Variants in EYS observed in about 807,000 individuals in gnomAD.
The protein encoded by EYS is EGF-like photoreceptor maintenance factor.
A neutral mutation model predicts 282.1 loss-of-function variants in EYS; 250 were observed. The ratio of observed to expected loss-of-function variants is 0.89; its 90% CI spans 0.80 to 0.98. The LOEUF is 0.98. Among genes scored for constraint, EYS ranks in the 50% least tolerant of loss-of-function variants. EYS has a pLI of 0.00. For synonymous variants in EYS, 1,355 were observed against 1,282.9 expected (o/e 1.06, Z -1.20); for missense variants, 4,016 against 3,709.0 (o/e 1.08, Z -2.15).
chr6:65,094,097 T>G (rs980855455), intron 12 of EYS, among the ~76,000 whole-genome samples: 1 of 151,714 alleles, frequency 6.6e-6, no homozygotes, highest in East Asian at 1.9e-4. Context: ...TTGAACATAA[T>G]AAGTAATAAC....
At chr6:65,469,058 TAC>T (rs1228320373) in intron 5 of EYS, among the ~76,000 whole-genome samples, 3 of 152,124 alleles carry the variant, frequency 2.0e-5, no homozygotes, top group African/African-American at 7.2e-5. Flanking sequence ...ATATATATCG[TAC>T]ACTCTTAAAT....
chr6:63,732,964 G>A (rs1768817828), intron 41 of EYS, among the ~76,000 whole-genome samples: 1 of 152,262 alleles, frequency 6.6e-6, no homozygotes, highest in East Asian at 1.9e-4. Context: ...AGAAAGGCAT[G>A]TATGCATGTG....
chr6:63,729,511 G>C (rs550222913), intron 41 of EYS, among the ~76,000 whole-genome samples: 1 of 149,802 alleles, frequency 6.7e-6, no homozygotes, highest in East Asian at 1.9e-4. Context: ...TGTCATGTCT[G>C]TGTCTAGATT....
chr6:64,338,128 A>G (rs1031201920), intron 29 of EYS, among the ~76,000 whole-genome samples: 2 of 152,038 alleles, frequency 1.3e-5, no homozygotes, highest in African/African-American at 4.8e-5. Context: ...AGTTTTAGGC[A>G]GAGCAGTCAG....
intron 26 of EYS, among the ~76,000 whole-genome samples, chr6:64,509,190 A>C (rs187924587): frequency 6.6e-6 from 1 of 152,288 alleles, no homozygotes; most frequent in Admixed American, 6.5e-5. Flanking sequence ...AAGGCATTAT[A>C]GTTATTCCTT....
At chr6:64,225,123 G>A (rs1766218063) in intron 31 of EYS, among the ~76,000 whole-genome samples, 1 of 152,030 alleles carries the variant, frequency 6.6e-6, no homozygotes, top group Admixed American at 6.6e-5. Context: ...TATAGCTCTT[G>A]TTCCCTGGCT....
intron 35 of EYS, among the ~76,000 whole-genome samples, chr6:63,953,761 C>T (rs117000149): frequency 1.3e-5 from 2 of 152,240 alleles, no homozygotes; most frequent in East Asian, 1.9e-4. Flanking sequence ...TAACTCATCT[C>T]AACTCTTTTC....
chr6:64,342,112 T>C (rs965021718), intron 29 of EYS, among the ~76,000 whole-genome samples: 8 of 151,638 alleles, frequency 5.3e-5, no homozygotes, highest in Admixed American at 2.6e-4. Context: ...ATAGTATAAT[T>C]ATAGCATAGT....
At chr6:64,096,370 T>C (rs1443800440) in intron 31 of EYS, among the ~76,000 whole-genome samples, 3 of 152,228 alleles carry the variant, frequency 2.0e-5, no homozygotes, top group African/African-American at 7.2e-5. Context: ...CCATTCTCCC[T>C]ATCACTTTCA....
At chr6:65,405,115 G>T (rs1297349358) in intron 6 of EYS, 59 bp downstream of exon 6, 3 of 1,143,222 alleles carry the variant, frequency 2.6e-6, no homozygotes, top group Non-Finnish European at 3.9e-6. Context: ...TTTTCAAATT[G>T]CTTGGTAATA....
intron 26 of EYS, among the ~76,000 whole-genome samples, chr6:64,511,812 A>T (rs1777411494): frequency 7.4e-6 from 1 of 135,966 alleles, no homozygotes; most frequent in African/African-American, 2.6e-5. Flanking sequence ...ATTAGATACT[A>T]AATTTTGGGG....
intron 15 of EYS, among the ~76,000 whole-genome samples, chr6:64,933,628 A>G (rs1768803915): frequency 6.6e-6 from 1 of 152,134 alleles, no homozygotes; most frequent in South Asian, 2.1e-4. Context: ...CAATCCCATT[A>G]CTGGGTATAT....
chr6:65,294,295 A>G (rs1768604626), intron 12 of EYS, among the ~76,000 whole-genome samples: 1 of 151,950 alleles, frequency 6.6e-6, no homozygotes, highest in Admixed American at 6.6e-5. Context: ...TGAAGAGTTT[A>G]GAAGTAGGAC....
chr6:64,888,842 A>G (rs1767182087), intron 18 of EYS, among the ~76,000 whole-genome samples: 1 of 152,056 alleles, frequency 6.6e-6, no homozygotes, highest in Non-Finnish European at 1.5e-5. Context: ...GATCCCAAGG[A>G]ATCACAGAAT....
At chr6:64,198,189 A>G (rs1193274773) in intron 31 of EYS, among the ~76,000 whole-genome samples, 1 of 135,234 alleles carries the variant, frequency 7.4e-6, no homozygotes, top group Non-Finnish European at 1.6e-5. Flanking sequence ...TTGTATTTTT[A>G]GTAGAGACGG....
intron 37 of EYS, among the ~76,000 whole-genome samples, chr6:63,794,165 G>A (rs1214698108): frequency 1.3e-5 from 2 of 152,216 alleles, no homozygotes; most frequent in African/African-American, 4.8e-5. Flanking sequence ...AGGATTAAGT[G>A]AGATTTAATG....
intron 18 of EYS, among the ~76,000 whole-genome samples, chr6:64,894,425 A>C (rs2150067531): frequency 6.6e-6 from 1 of 152,268 alleles, no homozygotes; most frequent in African/African-American, 2.4e-5. Flanking sequence ...GCAGAGGCTA[A>C]CTGATGACGG....
intron 36 of EYS, 37 bp from the exon 37 acceptor site, chr6:63,806,409 C>T (rs972529432): frequency 1.4e-6 from 2 of 1,480,388 alleles, no homozygotes; most frequent in Non-Finnish European, 1.8e-6. Flanking sequence ...TAAAATAAAC[C>T]TGTACATGTA....
intron 14 of EYS, among the ~76,000 whole-genome samples, chr6:64,961,598 G>A (rs1769921046): frequency 6.6e-6 from 1 of 151,824 alleles, no homozygotes. Flanking sequence ...TTATAAGCTA[G>A]GAATAATGTT....
Sources: allele counts gnomAD v4.1 joint callset (sites outside exome capture counted in the v4.1 genomes callset), GRCh38; gene constraint gnomAD v4.1.1; transcripts MANE v1.5; gene names NCBI Gene and HGNC (gene_info 2026-07-23, HGNC 2026-07-21).